C1orf21: variants seen among roughly 807,000 people sequenced by gnomAD.
C1orf21 encodes the protein uncharacterized protein C1orf21.
In C1orf21, 3 loss-of-function variants were observed where a neutral mutation model predicts 18.7. That is an observed-to-expected ratio of 0.16 (90% CI 0.07 to 0.42). C1orf21 has a LOEUF of 0.42. Ranked by LOEUF, C1orf21 falls within the 10% of genes least tolerant of loss-of-function variation. C1orf21 has a pLI of 0.99. For missense variants in C1orf21, 104 were observed against 143.6 expected (o/e 0.72, Z 1.41); for synonymous variants, 41 against 46.4 (o/e 0.88, Z 0.47).
intron 1 of C1orf21, among the ~76,000 whole-genome samples, chr1:184,424,541 G>C (rs1656601325): frequency 6.6e-6 from 1 of 152,142 alleles, no homozygotes; most frequent in Non-Finnish European, 1.5e-5. Flanking sequence ...ATGAAGTATG[G>C]TGTCTCAGAT....
rs751670725 is a variant in C1orf21 at position 184,387,833 on chromosome 1, C to T, written c.-125+465C>T. Among the ~76,000 whole-genome samples the T allele has an allele frequency of 3.9e-5, 6 of 152,194 alleles. No homozygotes were observed. Among genetic ancestry groups the T allele is most frequent in the Non-Finnish European group, 8.8e-5 (6 of 68,032 alleles). ...CAATTTAGGATCCTTTGCTAAGTAT[C>T]CAAGTCCCTTCTCTCGCTCCGACTG... is the stretch of plus-strand genomic sequence containing the variant. On this transcript the variant is annotated intron_variant, in intron 1 of 5. Coordinates refer to ENST00000235307, the MANE Select transcript of C1orf21 (RefSeq NM_030806.4). This position sits in a 1 kb window ranked among gnomAD's most constrained non-coding sequence, Gnocchi z 5.6.
At chr1:184,469,501 G>C (rs1209274698) in intron 1 of C1orf21, among the ~76,000 whole-genome samples, 2 of 152,190 alleles carry the variant, frequency 1.3e-5, no homozygotes, top group Non-Finnish European at 2.9e-5. Context: ...GTGCTTTTCA[G>C]ATGTGTGCAT....
chr1:184,477,948 C>T (rs537182342), intron 2 of C1orf21, among the ~76,000 whole-genome samples: 10 of 152,180 alleles, frequency 6.6e-5, no homozygotes, highest in African/African-American at 9.6e-5. Flanking sequence ...TGGGTTATAC[C>T]GTCTGAGGTG....
In C1orf21 at chr1:184,476,914, G is replaced by A. The variant is rs558954594; in HGVS notation, c.-124-472G>A. 1.2e-4 allele frequency among the ~76,000 whole-genome samples: 19 copies of A among 152,166 alleles called. No individual in the cohort carries two copies. The East Asian group carries it at 3.5e-3, about 28-fold the overall frequency. On this transcript the variant is annotated intron_variant, in intron 1 of 5. Transcript: ENST00000235307. ...CTGAGGAGGATGGCTACCGTTTCCT[G>A]GCAAAATTTGAGGAGCTGGGAGGGC...
At chr1:184,549,326 A>G (rs947031535) in intron 3 of C1orf21, among the ~76,000 whole-genome samples, 13 of 152,322 alleles carry the variant, frequency 8.5e-5, no homozygotes, top group African/African-American at 2.9e-4. Flanking sequence ...GCCTTCTTTA[A>G]AGTACTTTGC....
rs539366488 is a variant in C1orf21 at position 184,579,406 on chromosome 1, T to C, written c.190-11333T>C. ...TTTTTTTTTTTTTTTTTTTTTTTTT[T>C]TGAGACGAGGTCTCACCATGTTGCC... On this transcript the variant is annotated intron_variant, in intron 3 of 5. Transcript: ENST00000235307. Among the ~76,000 whole-genome samples, 174 of 94,760 alleles carry C rather than the reference T, an allele frequency of 1.8e-3. 1 individual carries two copies. The highest frequency in any genetic ancestry group is 7.2e-3 in the African/African-American group (140 of 19,468). 62.2% of individuals were successfully genotyped at this position (94,760 alleles called of 152,430 possible).
chr1:184,481,603 G>C (rs1332595640), intron 2 of C1orf21, among the ~76,000 whole-genome samples: 1 of 152,146 alleles, frequency 6.6e-6, no homozygotes, highest in African/African-American at 2.4e-5. Flanking sequence ...TGCTCTCTCT[G>C]TGCCTCTGTG....
chr1:184,479,725 TC>T (rs2101991501), intron 2 of C1orf21, among the ~76,000 whole-genome samples: 1 of 148,414 alleles, frequency 6.7e-6, no homozygotes, highest in East Asian at 2.0e-4. Flanking sequence ...GCTCAAGTGA[TC>T]CTCTCACCTC....
chr1:184,490,933 A>C (rs868366929), intron 2 of C1orf21, among the ~76,000 whole-genome samples: 1 of 152,160 alleles, frequency 6.6e-6, no homozygotes, highest in Non-Finnish European at 1.5e-5. Flanking sequence ...TTTTGTGAAA[A>C]AAAAAAAGCA....
At chr1:184,496,378 A>G (rs1204630307) in intron 2 of C1orf21, among the ~76,000 whole-genome samples, 4 of 152,084 alleles carry the variant, frequency 2.6e-5, no homozygotes, top group Non-Finnish European at 4.4e-5. Context: ...AAGACAGTAA[A>G]CCTGCAATTC....
At chr1:184,528,052 G>A (rs766756065) in intron 3 of C1orf21, among the ~76,000 whole-genome samples, 8 of 152,108 alleles carry the variant, frequency 5.3e-5, no homozygotes, top group Admixed American at 1.3e-4. Context: ...TGCCTAGAAC[G>A]GTGCCAGGTA....
intron 2 of C1orf21, among the ~76,000 whole-genome samples, chr1:184,505,607 C>G (rs759652757): frequency 4.6e-5 from 7 of 151,416 alleles, no homozygotes; most frequent in Non-Finnish European, 8.8e-5. Context: ...ACTAAAAATA[C>G]AAAAAATTAG....
In C1orf21 at chr1:184,627,880, C is replaced by T. The variant is rs1006908255; in HGVS notation, c.*8324C>T. 2 of 152,270 alleles carry T rather than the reference C, an allele frequency of 1.3e-5. No individual in the cohort carries two copies. Among genetic ancestry groups the T allele is most frequent in the Non-Finnish European group, 2.9e-5 (2 of 68,050 alleles). 9.4% of individuals were successfully genotyped at this position (152,270 alleles called of 1,614,324 possible). On this transcript the variant is annotated 3_prime_UTR_variant, in exon 6 of 6. Coordinates refer to ENST00000235307, the MANE Select transcript of C1orf21 (RefSeq NM_030806.4). ...GAATATAAGCCAAGTTTACCTCTCC[C>T]CATTTTCTGCCCTGGCCCACTTCCC...
intron 5 of C1orf21, 36 bp from the exon 6 acceptor site, chr1:184,619,482 C>T: frequency 6.2e-7 from 1 of 1,605,772 alleles, no homozygotes; most frequent in East Asian, 2.2e-5. Flanking sequence ...CTTTGAATTT[C>T]TCATTCACAT....
At chr1:184,556,356 G>A (rs1856560) in intron 3 of C1orf21, among the ~76,000 whole-genome samples, 25,922 of 152,112 alleles carry the variant, frequency 0.17, 2,487 homozygotes, top group East Asian at 0.31. Context: ...TGCTTCCAGA[G>A]CAAAAAGAAT....
chr1:184,586,579 G>A (rs1234642148), intron 3 of C1orf21, among the ~76,000 whole-genome samples: 8 of 152,092 alleles, frequency 5.3e-5, no homozygotes, highest in Admixed American at 4.6e-4. Context: ...CACCGCGCCC[G>A]GCCTTGTCCA....
At chr1:184,499,373 G>A (rs1373151073) in intron 2 of C1orf21, among the ~76,000 whole-genome samples, 1 of 152,090 alleles carries the variant, frequency 6.6e-6, no homozygotes, top group Non-Finnish European at 1.5e-5. Flanking sequence ...TGCAGTGGTG[G>A]TCAAATCATC....
chr1:184,527,083 C>T (rs1232659893), intron 3 of C1orf21, among the ~76,000 whole-genome samples: 1 of 152,170 alleles, frequency 6.6e-6, no homozygotes, highest in Non-Finnish European at 1.5e-5. Context: ...TCTCATTTAG[C>T]TAAACTACCT....
intron 2 of C1orf21, among the ~76,000 whole-genome samples, chr1:184,504,368 C>A (rs978477731): frequency 6.6e-6 from 1 of 152,120 alleles, no homozygotes. Flanking sequence ...CTGGCTGTAA[C>A]GGTGGCTGTC....
Sources: gnomAD v4.1 joint callset for allele counts (sites outside exome capture counted in the v4.1 genomes callset) on GRCh38, gnomAD v4.1.1 for gene constraint, Gnocchi (gnomAD v3.1) non-coding constraint, MANE v1.5 for transcripts, NCBI Gene and HGNC (gene_info 2026-07-23, HGNC 2026-07-21) for gene names.